The following TANGO6 variants were observed in gnomAD, a reference collection of about 807,000 sequenced individuals.
TANGO6 encodes the protein transport and Golgi organization protein 6 homolog.
Under a neutral mutation model 114.2 loss-of-function variants are expected in TANGO6, and 90 were observed. The ratio of observed to expected loss-of-function variants is 0.79; its 90% confidence interval spans 0.66 to 0.94. The LOEUF (loss-of-function observed/expected upper bound fraction) is 0.94, where lower values mean the gene tolerates loss of function less well. TANGO6 is among the 40% of genes least tolerant of loss of function. TANGO6 has a pLI of 0.00. For missense variants in TANGO6, 1,274 were observed against 1,315.3 expected (o/e 0.97, Z 0.49); for synonymous variants, 477 against 509.8 (o/e 0.94, Z 0.87).
intron 7 of TANGO6, among the ~76,000 whole-genome samples, chr16:68,893,104 A>G (rs1433223261): frequency 4.6e-5 from 7 of 152,186 alleles, no homozygotes; most frequent in Non-Finnish European, 1.5e-5. Context: ...TTGAAACTTC[A>G]GTTGTTTTGC....
At chr16:68,918,219 A>G (rs1963035426) in intron 11 of TANGO6, among the ~76,000 whole-genome samples, 2 of 152,046 alleles carry the variant, frequency 1.3e-5, no homozygotes, top group Non-Finnish European at 2.9e-5. Context: ...AGGTTTTCTT[A>G]TTATTGAGCT....
chr16:69,014,441 C>T (rs556530216), intron 15 of TANGO6, among the ~76,000 whole-genome samples: 7 of 152,162 alleles, frequency 4.6e-5, no homozygotes, highest in South Asian at 2.1e-4. Context: ...ATGTCCACCA[C>T]GATTCACTTA....
chr16:68,982,959 T>C (rs968022818), intron 15 of TANGO6, among the ~76,000 whole-genome samples: 1 of 152,076 alleles, frequency 6.6e-6, no homozygotes, highest in Non-Finnish European at 1.5e-5. Context: ...GTTTTTTTTT[T>C]AAATACTTGG....
At chr16:68,977,567 G>A (rs1963776736) in intron 15 of TANGO6, among the ~76,000 whole-genome samples, 1 of 150,532 alleles carries the variant, frequency 6.6e-6, no homozygotes. Context: ...GCTGGGCGTG[G>A]TGGCACGTGC....
chr16:68,929,966 T>C (rs1736875915), intron 13 of TANGO6, among the ~76,000 whole-genome samples: 1 of 152,220 alleles, frequency 6.6e-6, no homozygotes, highest in Non-Finnish European at 1.5e-5. Context: ...ATGGCTGTCA[T>C]GGAAAAATGT....
chr16:68,900,521 A>G lies in TANGO6; in HGVS notation c.1465A>G (p.Thr489Ala). ...LGVLFLLYCF[T>A]KQSVSHIRSL... Reference sequence around the variant, plus strand: ...AGTGCTTTTTCTTCTCTACTGTTTTACTAAGCAGAGTGTGTCTCACATAAG... The same window carrying G: ...AGTGCTTTTTCTTCTCTACTGTTTTGCTAAGCAGAGTGTGTCTCACATAAG... The change falls in exon 8 of 18, where the codon ACT (threonine) becomes GCT (alanine). Residue 489 changes from threonine to alanine, a missense_variant. This residue lies in a region of TANGO6 where 908 missense variants were observed against 910.2 expected (regional missense o/e 1.00). Transcript: ENST00000261778. 6.2e-7 allele frequency: 1 copy of G among 1,613,912 alleles called. No individual in the cohort carries two copies. The highest frequency in any genetic ancestry group is 8.5e-7 in the Non-Finnish European group (1 of 1,179,794).
intron 17 of TANGO6, among the ~76,000 whole-genome samples, chr16:69,061,144 A>C (rs888221368): frequency 6.6e-6 from 1 of 152,194 alleles, no homozygotes; most frequent in Non-Finnish European, 1.5e-5. Flanking sequence ...GGAAACACCT[A>C]CAGGGTTTTT....
At chr16:69,082,864 T>C (rs1960486606) in intron 17 of TANGO6, among the ~76,000 whole-genome samples, 4 of 152,010 alleles carry the variant, frequency 2.6e-5, no homozygotes, top group South Asian at 4.2e-4. Context: ...GGAGCAACCA[T>C]ATCTGGGCAG....
Position 68,909,261 on chromosome 16 carries a change from C to T in TANGO6, c.1851C>T (p.Pro617=). The T allele has an allele frequency of 6.2e-7, 1 of 1,607,634 alleles. No individual in the cohort carries two copies. The highest frequency in any genetic ancestry group is 1.1e-5 in the South Asian group (1 of 89,860). The stretch of plus-strand genomic sequence containing the variant: ...ATGAAACAGAGTTAAAAACTGAGCC[C>T]TTCTCCAGCAAGAGCCTCTTGGAAT... ...SENETELKTE[P]FSSKSLLELE... The change falls in exon 11 of 18, where the codon CCC becomes CCT. Residue 617 remains proline, a synonymous_variant. Transcript: ENST00000261778.
At chr16:69,065,545 G>A (rs1159192723) in intron 17 of TANGO6, among the ~76,000 whole-genome samples, 1 of 152,132 alleles carries the variant, frequency 6.6e-6, no homozygotes, top group Non-Finnish European at 1.5e-5. Flanking sequence ...CACTTTAGAT[G>A]CTCTCCTCAT....
intron 15 of TANGO6, among the ~76,000 whole-genome samples, chr16:69,008,113 AAT>A (rs1314300906): frequency 6.6e-6 from 1 of 152,048 alleles, no homozygotes; most frequent in African/African-American, 2.4e-5. Context: ...TAAAAAAAAG[AAT>A]AGGCTTTTTC....
intron 17 of TANGO6, among the ~76,000 whole-genome samples, chr16:69,059,337 G>A (rs1195802721): frequency 6.6e-6 from 1 of 151,380 alleles, no homozygotes; most frequent in Non-Finnish European, 1.5e-5. Context: ...CTCCCAAACT[G>A]CTGGGACTAC....
At chr16:69,028,148 T>A (rs930841731) in intron 16 of TANGO6, among the ~76,000 whole-genome samples, 1 of 151,974 alleles carries the variant, frequency 6.6e-6, no homozygotes, top group East Asian at 2.0e-4. Context: ...TTAGTAGAGA[T>A]GGGGTTTCAC....
At chr16:68,865,363 A>G (rs1033236114) in intron 3 of TANGO6, among the ~76,000 whole-genome samples, 1 of 152,126 alleles carries the variant, frequency 6.6e-6, no homozygotes, top group African/African-American at 2.4e-5. Context: ...AAACTGCAGC[A>G]CCTTCTGCAG....
chr16:68,865,654 C>T (rs563871504), intron 3 of TANGO6, among the ~76,000 whole-genome samples: 32 of 151,390 alleles, frequency 2.1e-4, no homozygotes, highest in Non-Finnish European at 4.1e-4. Context: ...CGGCCGGGCG[C>T]GGTGGCGCAC....
chr16:68,863,550 C>T (rs1962132274), intron 3 of TANGO6, among the ~76,000 whole-genome samples: 1 of 152,048 alleles, frequency 6.6e-6, no homozygotes, highest in Admixed American at 6.5e-5. Flanking sequence ...GCGGAGGTTG[C>T]AGTGAGCCGA....
chr16:68,993,154 T>C (rs1159910727), intron 15 of TANGO6, among the ~76,000 whole-genome samples: 2 of 152,194 alleles, frequency 1.3e-5, no homozygotes, highest in Non-Finnish European at 2.9e-5. Flanking sequence ...GCAGTTCTTT[T>C]CTAAAAATCA....
chr16:69,055,949 G>T (rs1466404804), intron 17 of TANGO6, among the ~76,000 whole-genome samples: 1 of 151,990 alleles, frequency 6.6e-6, no homozygotes, highest in Non-Finnish European at 1.5e-5. Context: ...TGAGGCAGGA[G>T]AATTGCTTGA....
chr16:69,039,645 A>C (rs1363186662), intron 16 of TANGO6, among the ~76,000 whole-genome samples: 2 of 152,180 alleles, frequency 1.3e-5, no homozygotes, highest in African/African-American at 4.8e-5. Flanking sequence ...CAAACAAAAC[A>C]AAACAAAACA....
Sources: allele counts gnomAD v4.1 joint callset (sites outside exome capture counted in the v4.1 genomes callset), GRCh38; gene constraint gnomAD v4.1.1; regional missense constraint gnomAD v4.1.1; transcripts MANE v1.5; gene names NCBI Gene and HGNC (gene_info 2026-07-23, HGNC 2026-07-21).